The following ALMS1 variants were observed in gnomAD, a reference collection of about 807,000 sequenced individuals.
ALMS1 encodes the protein centrosome-associated protein ALMS1.
ALMS1 carries 271 observed loss-of-function variants against 352.2 expected under a neutral mutation model. The ratio of observed to expected loss-of-function variants is 0.77; its 90% CI spans 0.70 to 0.85. ALMS1 has a LOEUF of 0.85. ALMS1 is among the 40% of genes least tolerant of loss of function. The pLI is 0.00. For synonymous variants in ALMS1, 1,865 were observed against 1,761.2 expected (o/e 1.06, Z -1.48); for missense variants, 5,445 against 4,870.7 (o/e 1.12, Z -3.51).
Position 73,422,959 on chromosome 2 carries a change from G to A in ALMS1, c.749G>A (p.Ser250Asn). 6.2e-7 allele frequency: 1 copy of A among 1,610,800 alleles called. No homozygotes were observed. The highest frequency in any genetic ancestry group is 8.5e-7 in the Non-Finnish European group (1 of 1,177,182). The part of the protein sequence containing the change: ...PDSLFHQSEL[S>N]FAPLRGIPDK... The stretch of plus-strand genomic sequence containing the variant: ...TCTTTATTTCATCAAAGTGAACTAA[G>A]TTTTGCACCTCTGAGGTAGGATGAT... The change falls in exon 4 of 23, where the codon AGT (serine) becomes AAT (asparagine). Residue 250 changes from serine (S) to asparagine (N), a missense_variant. Transcript: ENST00000613296.
intron 2 of ALMS1, among the ~76,000 whole-genome samples, chr2:73,412,466 G>A (rs1671098209): frequency 6.6e-6 from 1 of 152,052 alleles, no homozygotes; most frequent in Admixed American, 6.6e-5. Flanking sequence ...AGGTTTTTCG[G>A]TAGACATACT....
rs762899971 is a variant in ALMS1, at chr2:73,573,376, A to G, written c.11499A>G (p.Thr3833=). ...AACACAGCAAGAAAGTGCTGAATAC[A>G]GGTCATCCCCTAGTGACTTCTGAGC... ...RSKHSKKVLN[T]GHPLVTSEHT... is the part of the protein sequence containing the mutation. Residue 3833 remains threonine (T), a synonymous_variant, in exon 16 of 23, where the codon ACA becomes ACG. Coordinates refer to ENST00000613296, the MANE Select transcript of ALMS1 (RefSeq NM_001378454.1). 2.5e-5 allele frequency: 41 copies of G among 1,614,014 alleles called. No individual in the cohort carries two copies. Among genetic ancestry groups the G allele is most frequent in the Admixed American group, 2.3e-4 (14 of 59,974 alleles).
At chr2:73,540,206 G>T (rs1005221183) in intron 12 of ALMS1, among the ~76,000 whole-genome samples, 1 of 152,166 alleles carries the variant, frequency 6.6e-6, no homozygotes, top group Admixed American at 6.5e-5. Flanking sequence ...GAGAGTGGGG[G>T]CCAGTATTCA....
intron 13 of ALMS1, among the ~76,000 whole-genome samples, chr2:73,554,630 A>G (rs1674506013): frequency 6.6e-6 from 1 of 151,926 alleles, no homozygotes; most frequent in Non-Finnish European, 1.5e-5. Context: ...GGAGAATGGC[A>G]TGAACCTGGG....
In ALMS1 at chr2:73,576,624, CTTTTTTTT is replaced by C. The variant is rs60798625; in HGVS notation, c.11547+3206_11547+3213del. Among the ~76,000 whole-genome samples the C allele has an allele frequency of 2.1e-5, 3 of 142,514 alleles. No homozygotes were observed. The South Asian group carries it at 6.7e-4, about 32-fold the overall frequency. 93.5% of individuals were successfully genotyped at this position (142,514 alleles called of 152,430 possible). On this transcript the variant is annotated intron_variant, in intron 16 of 22. Coordinates refer to ENST00000613296, the MANE Select transcript of ALMS1 (RefSeq NM_001378454.1). ...TTACTAGTTTTTTCTTTTTCTTTTT[CTTTTTTTT>C]TTTTTGAGACAGAGTTTCACTCTTG...
At position 73,520,721 on chromosome 2, in the gene ALMS1, G is replaced by A. The variant is rs1204307263; in HGVS notation, c.9781+705G>A. On this transcript the variant is annotated intron_variant, in intron 11 of 22. Coordinates refer to ENST00000613296, the MANE Select transcript of ALMS1 (RefSeq NM_001378454.1). ...AAGAAGAAATGGATTTTGGTGAATA[G>A]GTAGCAGTCTCTACCATAAGGTGAA... is the stretch of plus-strand genomic sequence containing the variant. Among the ~76,000 whole-genome samples, 5 of 152,184 alleles carry A rather than the reference G, an allele frequency of 3.3e-5. No homozygotes were observed. The South Asian group carries it at 8.3e-4, about 25-fold the overall frequency.
intron 10 of ALMS1, among the ~76,000 whole-genome samples, chr2:73,506,356 T>A (rs959278995): frequency 6.6e-6 from 1 of 152,234 alleles, no homozygotes; most frequent in African/African-American, 2.4e-5. Flanking sequence ...AGGATAGCAT[T>A]GAATCTATAA....
chr2:73,586,818 A>G (rs7582606), intron 16 of ALMS1, among the ~76,000 whole-genome samples: 47,071 of 152,016 alleles, frequency 0.31, 9,088 homozygotes, highest in African/African-American at 0.55. Context: ...AATTGCATTG[A>G]ATATGTAGAT....
At chr2:73,406,225 T>C (rs1572903166) in intron 1 of ALMS1, among the ~76,000 whole-genome samples, 2 of 152,212 alleles carry the variant, frequency 1.3e-5, no homozygotes, top group East Asian at 3.8e-4. Context: ...TATTTGTGCA[T>C]TGACCCCATA....
At chr2:73,588,829 T>C (rs1461713869) in intron 16 of ALMS1, among the ~76,000 whole-genome samples, 2 of 152,206 alleles carry the variant, frequency 1.3e-5, no homozygotes, top group Non-Finnish European at 2.9e-5. Flanking sequence ...TTTATTAATG[T>C]TTCATATATT....
Position 73,609,662 on chromosome 2 carries a change from A to G in ALMS1, c.*50A>G, listed in dbSNP as rs774103121. The G allele has an allele frequency of 4.5e-6, 7 of 1,559,522 alleles. No homozygotes were observed. The Admixed American group carries it at 5.0e-5, about 11-fold the overall frequency. On this transcript the variant is annotated 3_prime_UTR_variant, in exon 23 of 23. Coordinates refer to ENST00000613296, the MANE Select transcript of ALMS1 (RefSeq NM_001378454.1). ...TTGGAATTCTATTTTATGAACCTAG[A>G]GAAGCAGAATCCTTACTTTTGTGAG... is the stretch of plus-strand genomic sequence containing the variant.
intron 21 of ALMS1, among the ~76,000 whole-genome samples, chr2:73,607,529 C>A (rs1675841648): frequency 1.3e-5 from 2 of 152,100 alleles, no homozygotes; most frequent in African/African-American, 4.8e-5. Context: ...CTTTACGCTC[C>A]TTTTTGGGAA....
At chr2:73,395,745 A>AT (rs1455803406) in intron 1 of ALMS1, among the ~76,000 whole-genome samples, 1 of 151,934 alleles carries the variant, frequency 6.6e-6, no homozygotes, top group Non-Finnish European at 1.5e-5. Context: ...ATATAGCTTT[A>AT]TTTTTTCTTT....
At chr2:73,391,876 T>C (rs905195292) in intron 1 of ALMS1, among the ~76,000 whole-genome samples, 8 of 152,232 alleles carry the variant, frequency 5.3e-5, no homozygotes, top group Non-Finnish European at 1.0e-4. Flanking sequence ...TTGAAAGATA[T>C]CACCATTTAA....
Position 73,490,861 on chromosome 2 carries a change from C to G in ALMS1, c.8902C>G (p.Gln2968Glu), listed in dbSNP as rs758433515. Reference sequence around the variant, plus strand: ...CCTTCCGTCTCCCATTTCTCTTGAACAATGCCAAAGCAAAGCGCCAGGTGT... The same window carrying G: ...CCTTCCGTCTCCCATTTCTCTTGAAGAATGCCAAAGCAAAGCGCCAGGTGT... ...SDLPSPISLE[Q>E]CQSKAPGVDD... is the part of the protein sequence containing the mutation. The change falls in exon 10 of 23, where the codon CAA becomes GAA. Residue 2968 changes from glutamine (Q) to glutamate (E), a missense_variant. By Grantham distance (29) the Gln-to-Glu change is conservative. Transcript: ENST00000613296. 3.7e-6 allele frequency: 6 copies of G among 1,614,108 alleles called. No individual in the cohort carries two copies. The highest frequency in any genetic ancestry group is 5.1e-6 in the Non-Finnish European group (6 of 1,180,026).
chr2:73,458,226 T>C (rs190729435), intron 9 of ALMS1: 4 of 152,252 alleles, frequency 2.6e-5, no homozygotes, highest in Admixed American at 2.0e-4. Context: ...GGAACCCATA[T>C]TGGCCACACT....
At chr2:73,391,516 A>G (rs1670645397) in intron 1 of ALMS1, among the ~76,000 whole-genome samples, 1 of 151,512 alleles carries the variant, frequency 6.6e-6, no homozygotes, top group African/African-American at 2.4e-5. Flanking sequence ...GATGGTCTCC[A>G]TCTCCTGACC....
At position 73,572,825 on chromosome 2, in the gene ALMS1, A is replaced by G; in HGVS notation, c.10948A>G (p.Thr3650Ala). The G allele has an allele frequency of 6.2e-7, 1 of 1,614,130 alleles. No homozygotes were observed. Among genetic ancestry groups the G allele is most frequent in the Non-Finnish European group, 8.5e-7 (1 of 1,179,998 alleles). The change falls in exon 16 of 23, where the codon ACA (threonine) becomes GCA (alanine). Residue 3650 changes from threonine to alanine, a missense_variant. Thr to Ala is a moderately conservative substitution (Grantham distance 58). Transcript: ENST00000613296. ...ITHSLQVSES[T>A]HDDSRGERSV... ...ACATTCTCTCCAGGTCTCAGAAAGT[A>G]CACATGATGATAGCAGAGGGGAACG...
intron 12 of ALMS1, among the ~76,000 whole-genome samples, chr2:73,536,065 ATTG>A (rs1674021702): frequency 1.3e-5 from 2 of 152,324 alleles, no homozygotes; most frequent in African/African-American, 4.8e-5. Flanking sequence ...ACAAGTTAAG[ATTG>A]TTAAGTTTAT....
Sources: allele counts gnomAD v4.1 joint callset (sites outside exome capture counted in the v4.1 genomes callset), GRCh38; gene constraint gnomAD v4.1.1; transcripts MANE v1.5; gene names NCBI Gene and HGNC (gene_info 2026-07-23, HGNC 2026-07-21).